Variants in FAT2 observed in about 807,000 individuals in gnomAD.
The protein encoded by FAT2 is protocadherin Fat 2.
FAT2 carries 150 observed loss-of-function variants against 295.3 expected under a neutral mutation model. The observed-to-expected ratio is 0.51, with a 90% CI of 0.44 to 0.58. The LOEUF (loss-of-function observed/expected upper bound fraction) is 0.58, where lower values mean the gene tolerates loss of function less well. Among genes scored for constraint, FAT2 ranks in the 20% least tolerant of loss-of-function variants. The probability of loss-of-function intolerance (pLI) is 0.00; values close to 1 mark genes in which losing one functional copy is unlikely to be tolerated. For synonymous variants in FAT2, 2,026 were observed against 2,150.3 expected (o/e 0.94, Z 1.60); for missense variants, 4,868 against 5,442.7 (o/e 0.89, Z 3.32).
Position 151,554,388 on chromosome 5 carries a change from T to C in FAT2, c.3919A>G (p.Thr1307Ala), listed in dbSNP as rs774031336. 1.2e-6 allele frequency: 2 copies of C among 1,614,028 alleles called. No individual in the cohort carries two copies. The highest frequency in any genetic ancestry group is 4.5e-5 in the East Asian group (2 of 44,896). The change falls in exon 5 of 24, where the codon ACA becomes GCA. Residue 1307 changes from threonine (T) to alanine (A), a missense_variant. Thr to Ala is a moderately conservative substitution (Grantham distance 58, BLOSUM62 0). This residue lies in a region of FAT2 where 3,297 missense variants were observed against 3,669.4 expected (regional missense o/e 0.90). Coordinates refer to ENST00000261800, the MANE Select transcript of FAT2 (RefSeq NM_001447.3). The stretch of plus-strand genomic sequence containing the variant: ...GTTAGGATGTTGTACTCTCCAGCTG[T>C]AAAAGTGCTGCTGGATGAAACCACA... ...TGVVSSSSTF[T>A]AGEYNILTIK...
At position 151,567,791 on chromosome 5, in the gene FAT2, C is replaced by G; in HGVS notation, c.1141G>C (p.Val381Leu). The G allele has an allele frequency of 1.2e-6, 2 of 1,614,144 alleles. No individual in the cohort carries two copies. The highest frequency in any genetic ancestry group is 1.7e-6 in the Non-Finnish European group (2 of 1,180,032). ...GCTGGGGTGACTCTCACCATCACCA[C>G]GCGGCTGCCAGGAGGGGAAAACTCA... ...LSEFSPPGSR[V>L]VMVRVTPAFP... The change falls in exon 2 of 24, where the codon GTG becomes CTG. Residue 381 changes from valine to leucine, a missense_variant. Transcript: ENST00000261800.
In FAT2 at chr5:151,543,948, G is replaced by C. The variant is rs1020005884; in HGVS notation, c.7179C>G (p.Thr2393=). ...QYEANVSELA[T]CGHLVLKVQA... ...GGACTTTAAGAACCAGGTGTCCACA[G>C]GTTGCCAGTTCACTGACATTGGCTT... The change falls in exon 10 of 24, where the codon ACC becomes ACG. Residue 2393 remains threonine (T), a synonymous_variant. Transcript: ENST00000261800. 5.0e-5 allele frequency: 80 copies of C among 1,614,016 alleles called. No individual in the cohort carries two copies. Among genetic ancestry groups the C allele is most frequent in the Non-Finnish European group, 6.7e-5 (79 of 1,180,040 alleles).
chr5:151,520,425 G>A (rs1753324632), intron 19 of FAT2, among the ~76,000 whole-genome samples: 1 of 152,206 alleles, frequency 6.6e-6, no homozygotes, highest in Admixed American at 6.6e-5. Context: ...TCATATCTCA[G>A]TTCCAACTGC....
rs573565142 is a variant in FAT2, at chr5:151,525,771, G to A, written c.10503C>T (p.Ile3501=). 3.3e-5 allele frequency: 53 copies of A among 1,614,122 alleles called. 1 individual carries two copies. In the South Asian group the frequency reaches 5.5e-4, roughly 17 times the overall value. Residue 3501 remains isoleucine (I), a synonymous_variant, in exon 18 of 24, where the codon ATC becomes ATT. Coordinates refer to ENST00000261800, the MANE Select transcript of FAT2 (RefSeq NM_001447.3). ...AGAAGCCTAGCACAGCTCTCACCTG[G>A]ATCTGAAGCTGATACCATTCCTGAG... is the stretch of plus-strand genomic sequence containing the variant. The part of the protein sequence containing the change: ...RRAQEWYQLQ[I]QASDSGIPPL...
intron 3 of FAT2, among the ~76,000 whole-genome samples, chr5:151,563,044 A>T (rs779666251): frequency 6.6e-6 from 1 of 152,208 alleles, no homozygotes; most frequent in Non-Finnish European, 1.5e-5. Context: ...GGAAAGAAAC[A>T]TGAAGACAGA....
chr5:151,517,274 C>T (rs987704459), intron 20 of FAT2, among the ~76,000 whole-genome samples: 3 of 152,142 alleles, frequency 2.0e-5, no homozygotes, highest in Non-Finnish European at 4.4e-5. Flanking sequence ...TTGAGCACCC[C>T]CAGTGGTAAG....
At chr5:151,562,141 G>A (rs1257819233) in intron 3 of FAT2, among the ~76,000 whole-genome samples, 15 of 152,092 alleles carry the variant, frequency 9.9e-5, no homozygotes, top group Non-Finnish European at 1.9e-4. Flanking sequence ...AATGTTACCA[G>A]GCAAATAGGC....
rs750778378 is a variant in FAT2 at position 151,550,649 on chromosome 5, C to G, written c.4519G>C (p.Val1507Leu). The G allele has an allele frequency of 2.5e-6, 4 of 1,614,092 alleles. No individual in the cohort carries two copies. Among genetic ancestry groups the G allele is most frequent in the Admixed American group, 3.3e-5 (2 of 60,008 alleles). ...FQLDPSSGVLVTVGKLDLGSG... is the reference protein window; with the variant it reads ...FQLDPSSGVLLTVGKLDLGSG... ...CCGAGGTCCAATTTTCCCACCGTTA[C>G]CAGGACACCACTGCTTGGGTCCAGC... The change falls in exon 8 of 24, where the codon GTA (valine) becomes CTA (leucine). Residue 1507 changes from valine (V) to leucine (L), a missense_variant. Val to Leu is a conservative substitution (Grantham distance 32). Around this residue, in one of 5 missense-constraint regions of FAT2, gnomAD observed 3,297 missense variants for 3,669.4 expected, o/e 0.90. Coordinates refer to ENST00000261800, the MANE Select transcript of FAT2 (RefSeq NM_001447.3).
intron 19 of FAT2, among the ~76,000 whole-genome samples, chr5:151,520,242 T>C (rs780943064): frequency 7.2e-5 from 11 of 152,230 alleles, no homozygotes; most frequent in Non-Finnish European, 1.6e-4. Flanking sequence ...CATGTCACTT[T>C]CCTTTAGCCA....
In FAT2 at chr5:151,505,726, C is replaced by A. The variant is rs1008296478; in HGVS notation, c.12889G>T (p.Gly4297Trp). 2 of 1,613,840 alleles carry A rather than the reference C, an allele frequency of 1.2e-6. No individual in the cohort carries two copies. The highest frequency in any genetic ancestry group is 1.7e-5 in the Admixed American group (1 of 60,004). ...GPCLADGGYK[G>W]VGMRLSRAGP... ...GCTCGGCTGAGGCGCATACCCACCC[C>A]CTTGTAGCCCCCGTCTGCCAGGCAG... Residue 4297 changes from glycine to tryptophan, a missense_variant, in exon 24 of 24, where the codon GGG becomes TGG. Physicochemically the swap from Gly to Trp is radical, Grantham distance 184 (BLOSUM62 -2). Transcript: ENST00000261800.
intron 22 of FAT2, 139 bp from the exon 23 acceptor site, chr5:151,507,750 T>G: frequency 1.4e-6 from 1 of 702,060 alleles, no homozygotes; most frequent in Non-Finnish European, 2.3e-6. Flanking sequence ...AAAGTAACTA[T>G]CAAGCATATC....
rs771003475 is a variant in FAT2 at position 151,542,564 on chromosome 5, C to T, written c.8563G>A (p.Gly2855Ser). 3 of 1,614,158 alleles carry T rather than the reference C, an allele frequency of 1.9e-6. No homozygotes were observed. The highest frequency in any genetic ancestry group is 2.5e-6 in the Non-Finnish European group (3 of 1,180,036). Residue 2855 changes from glycine to serine, a missense_variant, in exon 10 of 24, where the codon GGT becomes AGT. Coordinates refer to ENST00000261800, the MANE Select transcript of FAT2 (RefSeq NM_001447.3). ...HELFAIDSES[G>S]WITTLQELDC... ...AGTTCCTGGAGTGTGGTGATCCAACCACTCTCACTGTCAATGGCAAAGAGC... is the reference window on the plus strand; with the variant it reads ...AGTTCCTGGAGTGTGGTGATCCAACTACTCTCACTGTCAATGGCAAAGAGC...
In FAT2 at chr5:151,567,570, A is replaced by T. The variant is rs777402612; in HGVS notation, c.1362T>A (p.His454Gln). 20 of 1,614,060 alleles carry T rather than the reference A, an allele frequency of 1.2e-5. No individual in the cohort carries two copies. Among genetic ancestry groups the T allele is most frequent in the Non-Finnish European group, 6.8e-6 (8 of 1,180,038 alleles). ...VVIDIVDCNNHAPLFNRSSYD... is the reference protein window; with the variant it reads ...VVIDIVDCNNQAPLFNRSSYD... ...AGGAAGACCTGTTGAAGAGGGGGGCATGGTTGTTGCAGTCCACAATGTCAA... is the reference window on the plus strand; with the variant it reads ...AGGAAGACCTGTTGAAGAGGGGGGCTTGGTTGTTGCAGTCCACAATGTCAA... Residue 454 changes from histidine (H) to glutamine (Q), a missense_variant, in exon 2 of 24, where the codon CAT becomes CAA. Physicochemically the swap from His to Gln is conservative, Grantham distance 24. This residue lies in a region of FAT2 where 3,297 missense variants were observed against 3,669.4 expected (regional missense o/e 0.90). Transcript: ENST00000261800.
rs867609310 is a variant in FAT2, at chr5:151,545,831, G to C, written c.5296C>G (p.Gln1766Glu). ...TACAGTGGAGCTGCTTCACTAATTT[G>C]GCCCACAAAAGTTGACTTTAAGAAC... Reference protein sequence around the residue: ...PMFLKSTFVGQISEAAPLYSM... With the variant: ...PMFLKSTFVGEISEAAPLYSM... Residue 1766 changes from glutamine (Q) to glutamate (E), a missense_variant, in exon 10 of 24, where the codon CAA (glutamine) becomes GAA (glutamate). Physicochemically the swap from Gln to Glu is conservative, Grantham distance 29 (BLOSUM62 2). Coordinates refer to ENST00000261800, the MANE Select transcript of FAT2 (RefSeq NM_001447.3). 8 of 1,614,100 alleles carry C rather than the reference G, an allele frequency of 5.0e-6. No homozygotes were observed. The African/African-American group carries it at 6.7e-5, about 13-fold the overall frequency.
rs1336656452 is a variant in FAT2 at position 151,563,578 on chromosome 5, T to C, written c.3321A>G (p.Val1107=). ...REFASYYWLT[V]LAVDRGSVPL... is the part of the protein sequence containing the mutation. ...GCACAGAACCCCTGTCCACTGCTAATACCGTCAACCAGTAGTAAGATGCAA... is the reference window on the plus strand; with the variant it reads ...GCACAGAACCCCTGTCCACTGCTAACACCGTCAACCAGTAGTAAGATGCAA... The change falls in exon 3 of 24, where the codon GTA becomes GTG. Residue 1107 remains valine, a synonymous_variant. Transcript: ENST00000261800. 4 of 1,614,072 alleles carry C rather than the reference T, an allele frequency of 2.5e-6. No individual in the cohort carries two copies. Among genetic ancestry groups the C allele is most frequent in the Non-Finnish European group, 3.4e-6 (4 of 1,180,026 alleles).
Position 151,545,613 on chromosome 5 carries a change from G to T in FAT2, c.5514C>A (p.Phe1838Leu), listed in dbSNP as rs1376431808. The change falls in exon 10 of 24, where the codon TTC becomes TTA. Residue 1838 changes from phenylalanine (F) to leucine (L), a missense_variant. By Grantham distance (22) the Phe-to-Leu change is conservative. Coordinates refer to ENST00000261800, the MANE Select transcript of FAT2 (RefSeq NM_001447.3). ...MDYESMPSFQFCVYVHDQGSP... is the reference protein window; with the variant it reads ...MDYESMPSFQLCVYVHDQGSP... ...TTCCTTGGTCATGGACATAGACACA[G>T]AATTGGAAAGAGGGCATGCTCTCAT... 3 of 1,614,086 alleles carry T rather than the reference G, an allele frequency of 1.9e-6. No homozygotes were observed. Among genetic ancestry groups the T allele is most frequent in the Admixed American group, 3.3e-5 (2 of 60,030 alleles).
upstream of FAT2, among the ~76,000 whole-genome samples, chr5:151,594,237 T>C (rs1283662875): frequency 1.3e-5 from 2 of 152,184 alleles, no homozygotes; most frequent in Non-Finnish European, 2.9e-5. Context: ...TTTTGTGCAC[T>C]GCCTGGGTCT....
At chr5:151,588,632 C>T (rs186706593) in intron 1 of FAT2, among the ~76,000 whole-genome samples, 176 of 152,150 alleles carry the variant, frequency 1.2e-3, no homozygotes, top group Non-Finnish European at 1.6e-3. Context: ...GTCCTGGACC[C>T]AGGCGCCAGG....
At chr5:151,565,115 A>G (rs574222791) in intron 2 of FAT2, among the ~76,000 whole-genome samples, 8 of 152,350 alleles carry the variant, frequency 5.3e-5, no homozygotes, top group African/African-American at 1.7e-4. Flanking sequence ...ACCCAGGCAT[A>G]TAAGTAAAAG....
Sources: gnomAD v4.1 joint callset for allele counts (sites outside exome capture counted in the v4.1 genomes callset) on GRCh38, gnomAD v4.1.1 for gene constraint, gnomAD v4.1.1 regional missense constraint, MANE v1.5 for transcripts, NCBI Gene and HGNC (gene_info 2026-07-23, HGNC 2026-07-21) for gene names.